The following LAMA2 variants were observed in gnomAD, a reference collection of about 807,000 sequenced individuals.
LAMA2 encodes the protein laminin subunit alpha 2.
A neutral mutation model predicts 364.8 loss-of-function variants in LAMA2; 269 were observed. The ratio of observed to expected loss-of-function variants is 0.74; its 90% confidence interval spans 0.67 to 0.82. LAMA2 has a LOEUF of 0.82. LAMA2 is among the 40% of genes least tolerant of loss of function. LAMA2 has a pLI of 0.00. For synonymous variants in LAMA2, 1,379 were observed against 1,370.6 expected (o/e 1.01, Z -0.14); for missense variants, 3,807 against 3,873.2 (o/e 0.98, Z 0.45).
intron 37 of LAMA2, 51 bp from the exon 38 acceptor site, chr6:129,401,173 T>C (rs761933500): frequency 9.0e-7 from 1 of 1,113,492 alleles, no homozygotes; most frequent in Non-Finnish European, 1.4e-6. Context: ...ATACAAGGGG[T>C]AGGATTTTAT....
Position 128,930,025 on chromosome 6 carries a change from A to C in LAMA2, c.112+46668A>C. ...CCCACGCTGCCAGCCTCGGCGTTGC[A>C]GAGCACGGGGCGCCGTGGCGCCCGC... On this transcript the variant is annotated intron_variant, in intron 1 of 64. Coordinates refer to ENST00000421865, the MANE Select transcript of LAMA2 (RefSeq NM_000426.4). 6.3e-6 allele frequency: 3 copies of C among 475,738 alleles called. No homozygotes were observed. The South Asian group carries it at 6.7e-5, about 11-fold the overall frequency. 29.5% of individuals were successfully genotyped at this position (475,738 alleles called of 1,614,324 possible). A position where few individuals can be genotyped will look rare whatever the true frequency, so the allele number is the denominator to read the frequency against.
intron 8 of LAMA2, among the ~76,000 whole-genome samples, chr6:129,160,117 A>C (rs980500867): frequency 6.6e-6 from 1 of 152,140 alleles, no homozygotes. Context: ...GCATCAACAA[A>C]TGATCGGGGA....
chr6:129,043,851 A>C (rs964539268), intron 1 of LAMA2, among the ~76,000 whole-genome samples: 1 of 152,164 alleles, frequency 6.6e-6, no homozygotes, highest in Non-Finnish European at 1.5e-5. Context: ...TGTAGAGTGC[A>C]GAACCTAAAA....
rs184954041 is a variant in LAMA2, at chr6:129,211,403, C to T, written c.1782+18550C>T. On this transcript the variant is annotated intron_variant, in intron 12 of 64. Coordinates refer to ENST00000421865, the MANE Select transcript of LAMA2 (RefSeq NM_000426.4). Reference sequence around the variant, plus strand: ...CTCTTTTTCTACCTCCAACCTCCCTCCTCTGAAATGTTATTCACATACCTG... The same window carrying T: ...CTCTTTTTCTACCTCCAACCTCCCTTCTCTGAAATGTTATTCACATACCTG... 3.7e-4 allele frequency among the ~76,000 whole-genome samples: 56 copies of T among 152,328 alleles called. 1 individual carries two copies. The East Asian group carries it at 8.9e-3, about 24-fold the overall frequency.
intron 30 of LAMA2, 66 bp from the exon 31 acceptor site, chr6:129,349,232 T>G: frequency 8.1e-7 from 1 of 1,230,236 alleles, no homozygotes; most frequent in South Asian, 1.2e-5. Flanking sequence ...TGATCATGGA[T>G]AGGAATACTA....
chr6:129,188,956 G>A (rs982901312), intron 10 of LAMA2, among the ~76,000 whole-genome samples: 3 of 151,800 alleles, frequency 2.0e-5, no homozygotes, highest in Admixed American at 1.3e-4. Flanking sequence ...TATTCAGCTC[G>A]TACTATGCGT....
intron 41 of LAMA2, among the ~76,000 whole-genome samples, chr6:129,435,051 A>C (rs1463917719): frequency 1.3e-5 from 2 of 152,132 alleles, no homozygotes; most frequent in Admixed American, 6.6e-5. Context: ...CTTGAGAGGC[A>C]GCAGTAAAAA....
chr6:129,431,303 G>A (rs1358308851), intron 41 of LAMA2, among the ~76,000 whole-genome samples: 1 of 151,592 alleles, frequency 6.6e-6, no homozygotes, highest in Non-Finnish European at 1.5e-5. Context: ...GGAGGCTGAG[G>A]TAGGAGAATT....
At chr6:129,477,596 C>G (rs1028031161) in intron 53 of LAMA2, among the ~76,000 whole-genome samples, 6 of 151,836 alleles carry the variant, frequency 4.0e-5, no homozygotes, top group Non-Finnish European at 7.4e-5. Flanking sequence ...GCACACTTGC[C>G]CCATTTTATG....
At chr6:129,267,412 G>A (rs1353946039) in intron 16 of LAMA2, among the ~76,000 whole-genome samples, 193 bp downstream of exon 16, 1 of 152,128 alleles carries the variant, frequency 6.6e-6, no homozygotes, top group Non-Finnish European at 1.5e-5. Context: ...ATATGAGGAA[G>A]TGTTTATTCA....
chr6:129,243,347 A>G (rs1401650713), intron 12 of LAMA2, among the ~76,000 whole-genome samples: 1 of 152,070 alleles, frequency 6.6e-6, no homozygotes, highest in Non-Finnish European at 1.5e-5. Flanking sequence ...TCCTCTCTAT[A>G]TGCCTTTCAC....
At chr6:129,261,712 C>T (rs1028080443) in intron 15 of LAMA2, among the ~76,000 whole-genome samples, 22 of 152,030 alleles carry the variant, frequency 1.4e-4, no homozygotes, top group African/African-American at 5.3e-4. Flanking sequence ...TCAGTTCTCT[C>T]GTACTTTTAA....
At chr6:129,477,134 C>G (rs1452394483) in intron 53 of LAMA2, among the ~76,000 whole-genome samples, 4 of 152,132 alleles carry the variant, frequency 2.6e-5, no homozygotes, top group Non-Finnish European at 5.9e-5. Context: ...ATCTTTTTCA[C>G]TTCTATATAC....
chr6:129,020,664 T>C (rs75288290), intron 1 of LAMA2, among the ~76,000 whole-genome samples: 1,528 of 152,278 alleles, frequency 0.01, 28 homozygotes, highest in African/African-American at 0.035. Context: ...GGGAGTTTCC[T>C]CTCCTGAGAT....
intron 2 of LAMA2, among the ~76,000 whole-genome samples, chr6:129,057,614 G>A (rs951942446): frequency 1.2e-4 from 19 of 152,074 alleles, no homozygotes; most frequent in African/African-American, 4.6e-4. Context: ...AACCACTGCT[G>A]TGAGCGGAAT....
chr6:129,473,244 A>G lies in LAMA2; in HGVS notation c.7331A>G (p.Asn2444Ser). 6.2e-7 allele frequency: 1 copy of G among 1,603,594 alleles called. No homozygotes were observed. The highest frequency in any genetic ancestry group is 8.5e-7 in the Non-Finnish European group (1 of 1,171,026). Residue 2444 changes from asparagine to serine, a missense_variant, in exon 52 of 65, where the codon AAT (asparagine) becomes AGT (serine). By Grantham distance (46) the Asn-to-Ser change is conservative (BLOSUM62 1). This residue lies in a region of LAMA2 where 3,333 missense variants were observed against 3,345.7 expected (regional missense o/e 1.00). Coordinates refer to ENST00000421865, the MANE Select transcript of LAMA2 (RefSeq NM_000426.4). ...ATATCAATTGTAGATATAGATACTAATCAGGAGGAGAATATAGCAACTTCG... is the reference window on the plus strand; with the variant it reads ...ATATCAATTGTAGATATAGATACTAGTCAGGAGGAGAATATAGCAACTTCG... ...ANISIVDIDT[N>S]QEENIATSSS... is the part of the protein sequence containing the mutation.
chr6:128,996,593 TTAGAA>T (rs1423188665), intron 1 of LAMA2, among the ~76,000 whole-genome samples: 41 of 152,176 alleles, frequency 2.7e-4, no homozygotes, highest in Non-Finnish European at 5.4e-4. Flanking sequence ...CTCATGCCAG[TTAGAA>T]TGGCGATCAT....
intron 1 of LAMA2, among the ~76,000 whole-genome samples, chr6:129,017,571 T>G (rs1247938026): frequency 6.6e-6 from 1 of 151,868 alleles, no homozygotes; most frequent in East Asian, 1.9e-4. Flanking sequence ...TATAAAATGG[T>G]TTTTCATAAT....
intron 29 of LAMA2, among the ~76,000 whole-genome samples, chr6:129,340,896 A>G (rs1298864145): frequency 2.0e-5 from 3 of 151,976 alleles, no homozygotes; most frequent in Non-Finnish European, 4.4e-5. Context: ...GTACCTTGTC[A>G]TATTGGAAAA....
Sources: gnomAD v4.1 joint callset for allele counts (sites outside exome capture counted in the v4.1 genomes callset) on GRCh38, gnomAD v4.1.1 for gene constraint, gnomAD v4.1.1 regional missense constraint, MANE v1.5 for transcripts, NCBI Gene and HGNC (gene_info 2026-07-23, HGNC 2026-07-21) for gene names.